SNTG1: variants seen among roughly 807,000 people sequenced by gnomAD.
The protein encoded by SNTG1 is gamma-1-syntrophin.
A neutral mutation model predicts 74.7 loss-of-function variants in SNTG1; 39 were observed. The ratio of observed to expected loss-of-function variants is 0.52; its 90% CI spans 0.40 to 0.68. The LOEUF is 0.68. Ranked by LOEUF, SNTG1 falls within the 30% of genes least tolerant of loss-of-function variation. The pLI is 0.00. For missense variants in SNTG1, 685 were observed against 609.5 expected, an observed-to-expected ratio of 1.12 and a Z score of -1.30; for synonymous variants, 254 against 217.1, an observed-to-expected ratio of 1.17 and a Z score of -1.49.
chr8:50,734,228 A>G (rs933131486), intron 17 of SNTG1, among the ~76,000 whole-genome samples: 1 of 151,770 alleles, frequency 6.6e-6, no homozygotes, highest in Non-Finnish European at 1.5e-5. Context: ...AGTAAGAAAC[A>G]AACTATAGAC....
chr8:50,544,186 T>G (rs1056669041), intron 11 of SNTG1, among the ~76,000 whole-genome samples: 1 of 152,060 alleles, frequency 6.6e-6, no homozygotes, highest in African/African-American at 2.4e-5. Context: ...TTGTTATCAT[T>G]TAAGTTATCG....
intron 8 of SNTG1, among the ~76,000 whole-genome samples, chr8:50,471,090 T>G (rs1044800437): frequency 6.6e-6 from 1 of 152,152 alleles, no homozygotes; most frequent in Admixed American, 6.5e-5. Flanking sequence ...ATTGGTGCAT[T>G]TACAATCCTT....
intron 2 of SNTG1, among the ~76,000 whole-genome samples, chr8:50,175,206 A>G (rs920264404): frequency 6.6e-6 from 1 of 152,116 alleles, no homozygotes; most frequent in Admixed American, 6.6e-5. Context: ...AGCATGATTT[A>G]TAGTCCTTTG....
intron 1 of SNTG1, among the ~76,000 whole-genome samples, chr8:50,112,515 C>CTTT (rs34942560): frequency 0.022 from 1,671 of 77,532 alleles, 34 homozygotes; most frequent in Admixed American, 0.024. Context: ...TTAGTTCTTT[C>CTTT]TTTTTTTTTT....
At chr8:50,130,885 T>A (rs16914316) in intron 1 of SNTG1, among the ~76,000 whole-genome samples, 12,352 of 152,100 alleles carry the variant, frequency 0.081, 1,619 homozygotes, top group African/African-American at 0.28. Context: ...TGGGAAATAA[T>A]GGTTTCAAGT....
At chr8:50,441,008 T>A (rs1178692925) in intron 5 of SNTG1, among the ~76,000 whole-genome samples, 1 of 152,240 alleles carries the variant, frequency 6.6e-6, no homozygotes, top group Non-Finnish European at 1.5e-5. Flanking sequence ...GGCCATGCCC[T>A]ACACTCTTGA....
chr8:50,574,319 T>A (rs1233433624), intron 12 of SNTG1, among the ~76,000 whole-genome samples: 1 of 152,130 alleles, frequency 6.6e-6, no homozygotes, highest in African/African-American at 2.4e-5. Flanking sequence ...TCTGAAAGAG[T>A]ACATCTATAT....
chr8:50,206,612 G>C (rs539155065), intron 2 of SNTG1, among the ~76,000 whole-genome samples: 1 of 152,248 alleles, frequency 6.6e-6, no homozygotes, highest in Admixed American at 6.5e-5. Flanking sequence ...TTTTGACTAG[G>C]AGTGGTGAGA....
intron 1 of SNTG1, among the ~76,000 whole-genome samples, chr8:49,959,080 A>G (rs894344638): frequency 2.0e-5 from 3 of 152,156 alleles, no homozygotes; most frequent in Non-Finnish European, 4.4e-5. Flanking sequence ...TTGCTTCATT[A>G]TTTCTCAACT....
chr8:50,217,797 C>A (rs1320864134), intron 2 of SNTG1, among the ~76,000 whole-genome samples: 1 of 152,120 alleles, frequency 6.6e-6, no homozygotes, highest in Non-Finnish European at 1.5e-5. Flanking sequence ...ATCTGTTGTT[C>A]TGATCTCCAG....
chr8:50,545,698 G>A (rs538080665), intron 11 of SNTG1, among the ~76,000 whole-genome samples: 264 of 151,882 alleles, frequency 1.7e-3, no homozygotes, highest in Middle Eastern at 3.4e-3. Flanking sequence ...TTGAAAGTAG[G>A]CTTTTGGACT....
chr8:50,549,671 A>G (rs2094412190), intron 11 of SNTG1, among the ~76,000 whole-genome samples: 2 of 151,726 alleles, frequency 1.3e-5, no homozygotes. Flanking sequence ...AACTTCATGG[A>G]TTGCCTCTTC....
intron 1 of SNTG1, among the ~76,000 whole-genome samples, chr8:49,968,092 G>A (rs937192447): frequency 9.9e-5 from 15 of 151,984 alleles, no homozygotes; most frequent in African/African-American, 3.6e-4. Context: ...TTTTCTGCAA[G>A]TAAATACAAT....
chr8:50,198,524 T>C lies in SNTG1; in HGVS notation c.-28+25889T>C, dbSNP rs189269829. Among the ~76,000 whole-genome samples the C allele has an allele frequency of 9.1e-4, 138 of 152,288 alleles. 1 individual carries two copies. The highest frequency in any genetic ancestry group is 1.8e-3 in the Non-Finnish European group (123 of 68,028). ...TCTGTTCCTCAAATCTACAGGGCTC[T>C]GCAAGCCCTGATGATTTACCTTTGT... On this transcript the variant is annotated intron_variant, in intron 2 of 18. Transcript: ENST00000642720.
At chr8:50,490,769 A>G (rs950087254) in intron 8 of SNTG1, 3 of 152,356 alleles carry the variant, frequency 2.0e-5, no homozygotes, top group Admixed American at 6.5e-5. Flanking sequence ...GCCTCTATCC[A>G]CTTGACCTCG....
chr8:50,623,296 G>T (rs2094935444), intron 13 of SNTG1, among the ~76,000 whole-genome samples: 1 of 152,222 alleles, frequency 6.6e-6, no homozygotes, highest in East Asian at 1.9e-4. Flanking sequence ...TGTGATGGTA[G>T]CTGTGGGGTT....
chr8:50,663,716 C>G (rs779975111), intron 15 of SNTG1, among the ~76,000 whole-genome samples: 5 of 152,130 alleles, frequency 3.3e-5, no homozygotes, highest in Admixed American at 6.6e-5. Context: ...ATTTTCTTAG[C>G]CTATTCTCTT....
chr8:50,258,657 G>A (rs2086999092), intron 2 of SNTG1, among the ~76,000 whole-genome samples: 2 of 152,032 alleles, frequency 1.3e-5, no homozygotes, highest in Admixed American at 6.6e-5. Flanking sequence ...TTCACTCATG[G>A]GGCTCAATAG....
In SNTG1 at chr8:50,715,334, A is replaced by G. The variant is rs147147678; in HGVS notation, c.1284+6356A>G. On this transcript the variant is annotated intron_variant, in intron 17 of 18. Transcript: ENST00000642720. Reference sequence around the variant, plus strand: ...TCATATCATTGCTGGTCTCTAGAATACTAGGTCCCCCAAATTGTTATAGTC... The same window carrying G: ...TCATATCATTGCTGGTCTCTAGAATGCTAGGTCCCCCAAATTGTTATAGTC... Among the ~76,000 whole-genome samples, 319 of 152,304 alleles carry G rather than the reference A, an allele frequency of 2.1e-3. 1 individual carries two copies. Among genetic ancestry groups the G allele is most frequent in the African/African-American group, 7.5e-3 (311 of 41,576 alleles).
Sources: allele counts gnomAD v4.1 joint callset (sites outside exome capture counted in the v4.1 genomes callset), GRCh38; gene constraint gnomAD v4.1.1; transcripts MANE v1.5; gene names NCBI Gene and HGNC (gene_info 2026-07-23, HGNC 2026-07-21).